ASTN2: variants seen among roughly 807,000 people sequenced by gnomAD.
ASTN2 encodes the protein astrotactin 2.
A neutral mutation model predicts 139.8 loss-of-function variants in ASTN2; 54 were observed. The ratio of observed to expected loss-of-function variants is 0.39; its 90% CI spans 0.31 to 0.48. The LOEUF (loss-of-function observed/expected upper bound fraction) is 0.48. ASTN2 is among the 20% of genes least tolerant of loss of function. The pLI is 0.95. For missense variants in ASTN2, 1,565 were observed against 1,725.1 expected (o/e 0.91, Z 1.64); for synonymous variants, 756 against 719.5 (o/e 1.05, Z -0.81).
At chr9:116,944,940 C>T (rs1024641333) in intron 10 of ASTN2, among the ~76,000 whole-genome samples, 8 of 152,086 alleles carry the variant, frequency 5.3e-5, no homozygotes, top group Middle Eastern at 3.2e-3. Context: ...TGAATTGTTG[C>T]TTATATCAGA....
intron 16 of ASTN2, among the ~76,000 whole-genome samples, chr9:116,673,515 C>T (rs1190561618): frequency 6.6e-6 from 1 of 152,152 alleles, no homozygotes; most frequent in African/African-American, 2.4e-5. Context: ...ACCTTATTTG[C>T]AAATGGGGTG....
intron 2 of ASTN2, among the ~76,000 whole-genome samples, chr9:117,280,405 A>T (rs1834296832): frequency 1.3e-5 from 2 of 152,304 alleles, no homozygotes; most frequent in South Asian, 4.1e-4. Flanking sequence ...GTCTTTGCAG[A>T]TGTAATTGAG....
chr9:117,202,379 G>A (rs750519258), intron 3 of ASTN2, among the ~76,000 whole-genome samples: 11 of 151,958 alleles, frequency 7.2e-5, no homozygotes, highest in Admixed American at 3.3e-4. Flanking sequence ...TGATCCTGTC[G>A]TCATAATGCT....
chr9:117,202,408 G>T (rs568697395), intron 3 of ASTN2, among the ~76,000 whole-genome samples: 188 of 152,212 alleles, frequency 1.2e-3, no homozygotes, highest in Non-Finnish European at 1.5e-3. Context: ...ATTTTGCACA[G>T]TAGTTGATGC....
chr9:116,801,641 GA>G (rs1307055801), intron 13 of ASTN2, among the ~76,000 whole-genome samples: 5 of 112,864 alleles, frequency 4.4e-5, no homozygotes, highest in Admixed American at 8.5e-5. Context: ...AGAAAGAAAA[GA>G]AAAAAAGGAA....
chr9:116,897,724 AAAAT>A (rs1397062389), intron 10 of ASTN2, among the ~76,000 whole-genome samples: 2 of 152,226 alleles, frequency 1.3e-5, no homozygotes, highest in African/African-American at 4.8e-5. Context: ...AGTAAAAAAA[AAAAT>A]CAAGATGCAG....
chr9:116,799,569 T>C (rs149424304), intron 13 of ASTN2, among the ~76,000 whole-genome samples: 21 of 152,112 alleles, frequency 1.4e-4, no homozygotes, highest in Non-Finnish European at 2.5e-4. Context: ...CCAAGCAGCT[T>C]TTCCTTCCTG....
chr9:117,251,526 A>C (rs1833539071), intron 2 of ASTN2, among the ~76,000 whole-genome samples: 1 of 152,194 alleles, frequency 6.6e-6, no homozygotes, highest in Non-Finnish European at 1.5e-5. Flanking sequence ...TTATAACAGC[A>C]CTGAGCACAT....
At chr9:117,212,836 G>A (rs561594920) in intron 3 of ASTN2, among the ~76,000 whole-genome samples, 23 of 152,284 alleles carry the variant, frequency 1.5e-4, no homozygotes, top group Admixed American at 5.9e-4. Context: ...ACTGTCATGC[G>A]AATGTAAACT....
chr9:117,060,406 GAAAGAAGGA>G (rs1564406438), intron 5 of ASTN2, among the ~76,000 whole-genome samples: 1,361 of 70,852 alleles, frequency 0.019, 59 homozygotes, highest in African/African-American at 0.057. Flanking sequence ...AAGAAAGAAA[GAAAGAAGGA>G]AAGGAAGGAA....
At chr9:116,886,557 G>A (rs978030630) in intron 10 of ASTN2, among the ~76,000 whole-genome samples, 1 of 151,954 alleles carries the variant, frequency 6.6e-6, no homozygotes, top group Non-Finnish European at 1.5e-5. Flanking sequence ...TTGTTGAGAT[G>A]GGTTTTACTA....
At chr9:117,034,430 G>A (rs1222612498) in intron 6 of ASTN2, among the ~76,000 whole-genome samples, 7 of 152,260 alleles carry the variant, frequency 4.6e-5, no homozygotes, top group East Asian at 3.9e-4. Flanking sequence ...AGTTACTGGA[G>A]TTATGCTATG....
At chr9:116,703,729 T>A (rs1320445765) in intron 16 of ASTN2, among the ~76,000 whole-genome samples, 72 of 145,772 alleles carry the variant, frequency 4.9e-4, no homozygotes, top group African/African-American at 4.6e-4. Flanking sequence ...AGTATAATAA[T>A]AAAAAAAAAA....
At chr9:117,004,840 C>T (rs1244940161) in intron 7 of ASTN2, among the ~76,000 whole-genome samples, 1 of 152,148 alleles carries the variant, frequency 6.6e-6, no homozygotes, top group African/African-American at 2.4e-5. Flanking sequence ...TCACTTGTAA[C>T]TTGCTTTGAA....
At chr9:116,947,896 G>A (rs1379547313) in intron 10 of ASTN2, among the ~76,000 whole-genome samples, 1 of 152,198 alleles carries the variant, frequency 6.6e-6, no homozygotes, top group Non-Finnish European at 1.5e-5. Flanking sequence ...AACTATTCAG[G>A]TCAGAACCAT....
intron 3 of ASTN2, among the ~76,000 whole-genome samples, chr9:117,171,618 C>T (rs1445193913): frequency 1.3e-5 from 2 of 152,002 alleles, no homozygotes; most frequent in East Asian, 1.9e-4. Flanking sequence ...ATGCTGTTCT[C>T]GTGATAGTGA....
intron 2 of ASTN2, among the ~76,000 whole-genome samples, chr9:117,266,523 A>G (rs1374525637): frequency 6.6e-6 from 1 of 152,188 alleles, no homozygotes; most frequent in African/African-American, 2.4e-5. Flanking sequence ...TGCCATGGAG[A>G]TGCCAACTTG....
At position 116,497,363 on chromosome 9, in the gene ASTN2, G is replaced by A. The variant is rs8181228; in HGVS notation, c.3356-9863C>T. Among the ~76,000 whole-genome samples the A allele has an allele frequency of 0.019, 2,850 of 152,138 alleles. 380 individuals carry two copies. The South Asian group carries it at 0.27, about 14-fold the overall frequency. On this transcript the variant is annotated intron_variant, in intron 19 of 22. Transcript: ENST00000313400. The stretch of plus-strand genomic sequence containing the variant: ...TTCAAAGAGTTCACAAGCAGTTATC[G>A]AACACCCTCTAGGCGCCAGGGAAAG...
At chr9:117,225,350 G>C (rs79852886) in intron 2 of ASTN2, among the ~76,000 whole-genome samples, 1 of 151,406 alleles carries the variant, frequency 6.6e-6, no homozygotes, top group African/African-American at 2.4e-5. Flanking sequence ...TCTGAAGGAC[G>C]GGTGAATGGA....
Sources: gnomAD v4.1 joint callset for allele counts (sites outside exome capture counted in the v4.1 genomes callset) on GRCh38, gnomAD v4.1.1 for gene constraint, MANE v1.5 for transcripts, NCBI Gene and HGNC (gene_info 2026-07-23, HGNC 2026-07-21) for gene names.